Variants in DBH observed in about 807,000 individuals in gnomAD.
DBH encodes the protein dopamine beta-hydroxylase, also known as dopamine beta-hydroxylase (dopamine beta-monooxygenase).
In DBH, 49 loss-of-function variants were observed where a neutral mutation model predicts 64.0. That is an observed-to-expected ratio of 0.77 (90% CI 0.61 to 0.97). The LOEUF (loss-of-function observed/expected upper bound fraction) is 0.97, where lower values mean the gene tolerates loss of function less well. DBH is among the 50% of genes least tolerant of loss of function. The pLI, the probability that DBH is intolerant of heterozygous loss-of-function variation, is 0.00. For missense variants in DBH, 828 were observed against 826.6 expected, an observed-to-expected ratio of 1.00 and a Z score of -0.02; for synonymous variants, 343 against 347.1, an observed-to-expected ratio of 0.99 and a Z score of 0.13.
At chr9:133,652,334 G>A (rs768398060) in intron 8 of DBH, 50 bp downstream of exon 8, 1 of 1,600,848 alleles carries the variant, frequency 6.2e-7, no homozygotes, top group African/African-American at 1.3e-5. Context: ...CAGCTGGGGT[G>A]GCTGAGAGGG....
intron 5 of DBH, among the ~76,000 whole-genome samples, chr9:133,647,094 G>A (rs1049977045): frequency 3.3e-5 from 5 of 152,226 alleles, no homozygotes; most frequent in East Asian, 1.9e-4. Context: ...GTGCATGAAC[G>A]GGGGCTAGAC....
At chr9:133,638,776 T>C (rs1832081240) in intron 1 of DBH, among the ~76,000 whole-genome samples, 1 of 152,090 alleles carries the variant, frequency 6.6e-6, no homozygotes, top group Non-Finnish European at 1.5e-5. Flanking sequence ...AGATGCCAAA[T>C]AGACAAATAT....
chr9:133,637,707 C>T (rs2131282055), intron 1 of DBH, among the ~76,000 whole-genome samples: 1 of 152,336 alleles, frequency 6.6e-6, no homozygotes, highest in East Asian at 1.9e-4. Flanking sequence ...GTTGTGAATT[C>T]ATGAGGGCAG....
intron 9 of DBH, among the ~76,000 whole-genome samples, chr9:133,654,101 A>G (rs1380652946): frequency 7.5e-6 from 1 of 132,886 alleles, no homozygotes; most frequent in African/African-American, 3.0e-5. Flanking sequence ...CCAGTGGTTT[A>G]TTTTATTTTA....
At chr9:133,656,019 C>T (rs111481671) in intron 9 of DBH, 8 of 229,634 alleles carry the variant, frequency 3.5e-5, no homozygotes, top group African/African-American at 1.6e-4. Context: ...GTCCCTGCTC[C>T]CCTCAGAGCC....
chr9:133,652,947 T>C lies in DBH; in HGVS notation c.1382T>C (p.Val461Ala). 1 of 1,613,444 alleles carries C rather than the reference T, an allele frequency of 6.2e-7. No individual in the cohort carries two copies. Among genetic ancestry groups the C allele is most frequent in the Non-Finnish European group, 8.5e-7 (1 of 1,179,702 alleles). Residue 461 changes from valine (V) to alanine (A), a missense_variant, in exon 9 of 12, where the codon GTG (valine) becomes GCG (alanine). Transcript: ENST00000393056. ...ACATTGGCTTTTCCTCAGGGAGATG[T>C]GCTCATCACCTCCTGCACGTACAAC... is the stretch of plus-strand genomic sequence containing the variant. ...KKVVSVHPGD[V>A]LITSCTYNTE...
intron 11 of DBH, chr9:133,657,447 GA>G: frequency 3.8e-6 from 2 of 532,476 alleles, no homozygotes; most frequent in South Asian, 2.0e-5. Context: ...AGAGAGGAGA[GA>G]GAGGAGAGAG....
rs2797849 is a variant in DBH at position 133,636,819 on chromosome 9, G to C, written c.339+109G>C. 312,982 of 1,042,436 alleles carry C rather than the reference G, an allele frequency of 0.3. 51,882 individuals carry two copies. Among genetic ancestry groups the C allele is most frequent in the Non-Finnish European group, 0.34 (235,394 of 695,790 alleles). The allele number at this position is 1,042,436 out of a possible 1,614,324, so 64.6% of individuals were successfully genotyped here. A position where few individuals can be genotyped will look rare whatever the true frequency, so the allele number is the denominator to read the frequency against. On this transcript the variant is annotated intron_variant, in intron 1 of 11. Transcript: ENST00000393056. ...AACCCAGAAAGTTCTTCTGTCACCT[G>C]TCAGTGTTTGAGTTGACTCTGCTCT...
chr9:133,656,671 C>T, intron 10 of DBH, 21 bp downstream of exon 10: 1 of 1,610,110 alleles, frequency 6.2e-7, no homozygotes, highest in Non-Finnish European at 8.5e-7. Flanking sequence ...CCTGCACAAG[C>T]TCCCTGCCCC....
chr9:133,657,293 G>A (rs1372619320), intron 11 of DBH, 64 bp downstream of exon 11: 1 of 1,595,316 alleles, frequency 6.3e-7, no homozygotes, highest in South Asian at 1.1e-5. Context: ...GCCCCAGTGA[G>A]GGGTGATGGG....
intron 1 of DBH, among the ~76,000 whole-genome samples, chr9:133,638,906 G>A (rs1451054780): frequency 3.9e-5 from 6 of 152,292 alleles, no homozygotes; most frequent in African/African-American, 9.6e-5. Context: ...TCGGGCCACC[G>A]TGTCCCTGCC....
Position 133,639,747 on chromosome 9 carries a change from G to A in DBH, c.340-99G>A, listed in dbSNP as rs1832093839. ...GAGGCCCAGCATCCCCAGATCAGCT[G>A]GCAATGAATGCGGAGCTCTGCCGGG... On this transcript the variant is annotated intron_variant, in intron 1 of 11. Transcript: ENST00000393056. 5 of 1,331,300 alleles carry A rather than the reference G, an allele frequency of 3.8e-6. No homozygotes were observed. The Admixed American group carries it at 9.9e-5, about 26-fold the overall frequency. The allele number at this position is 1,331,300 out of a possible 1,614,324, so 82.5% of individuals were successfully genotyped here. A position where few individuals can be genotyped will look rare whatever the true frequency, so the allele number is the denominator to read the frequency against.
intron 9 of DBH, 73 bp downstream of exon 9, chr9:133,653,072 C>T (rs1176709435): frequency 1.7e-6 from 2 of 1,159,588 alleles, no homozygotes; most frequent in African/African-American, 1.5e-5. Context: ...GGAAGGATGA[C>T]AGGTCTTGAC....
Position 133,658,565 on chromosome 9 carries a change from C to T in DBH, c.*118C>T. 1 of 1,180,000 alleles carries T rather than the reference C, an allele frequency of 8.5e-7. No individual in the cohort carries two copies. The highest frequency in any genetic ancestry group is 1.8e-5 in the South Asian group (1 of 55,860). The allele number at this position is 1,180,000 out of a possible 1,614,324, so 73.1% of individuals were successfully genotyped here. A position where few individuals can be genotyped will look rare whatever the true frequency, so the allele number is the denominator to read the frequency against. On this transcript the variant is annotated 3_prime_UTR_variant, in exon 12 of 12. Transcript: ENST00000393056. Reference sequence around the variant, plus strand: ...CCCTGCACGCCCAGGATGAAGGGGCCAGACCACGCCCCTGCCTGAGACCAC... The same window carrying T: ...CCCTGCACGCCCAGGATGAAGGGGCTAGACCACGCCCCTGCCTGAGACCAC...
chr9:133,640,069 A>G, intron 2 of DBH, 77 bp downstream of exon 2: 1 of 1,570,430 alleles, frequency 6.4e-7, no homozygotes, highest in Non-Finnish European at 8.7e-7. Flanking sequence ...ATGTCATAGT[A>G]CCTTTCCTGT....
intron 2 of DBH, 138 bp from the exon 3 acceptor site, chr9:133,642,069 A>G: frequency 5.7e-6 from 7 of 1,236,002 alleles, no homozygotes; most frequent in Non-Finnish European, 6.9e-6. Flanking sequence ...TGCAAGCCTC[A>G]AGGGTCCCTT....
At chr9:133,658,271 C>T (rs1455140433) in intron 11 of DBH, 45 bp from the exon 12 acceptor site, 3 of 1,611,504 alleles carry the variant, frequency 1.9e-6, no homozygotes, top group South Asian at 2.2e-5. Context: ...AGCCACCCAT[C>T]TTGCCCCTCC....
At chr9:133,637,771 G>GT (rs1564207448) in intron 1 of DBH, among the ~76,000 whole-genome samples, 44 of 152,280 alleles carry the variant, frequency 2.9e-4, no homozygotes, top group African/African-American at 1.0e-3. Flanking sequence ...CCCAAGACTC[G>GT]GCCAGGAGGC....
At chr9:133,644,019 A>G (rs185627317) in intron 4 of DBH, among the ~76,000 whole-genome samples, 199 bp from the exon 5 acceptor site, 151 of 151,762 alleles carry the variant, frequency 9.9e-4, no homozygotes, top group African/African-American at 3.3e-3. Flanking sequence ...CCTCTCCCCA[A>G]CTCCCTGACC....
Sources: allele counts gnomAD v4.1 joint callset (sites outside exome capture counted in the v4.1 genomes callset), GRCh38; gene constraint gnomAD v4.1.1; transcripts MANE v1.5; gene names NCBI Gene and HGNC (gene_info 2026-07-23, HGNC 2026-07-21).